Variants in USH2A observed in about 807,000 individuals in gnomAD.
USH2A encodes the protein Usher syndrome 2A (autosomal recessive, mild).
Under a neutral mutation model 538.9 loss-of-function variants are expected in USH2A, and 443 were observed. The observed-to-expected ratio is 0.82, with a 90% CI of 0.76 to 0.89. The LOEUF (loss-of-function observed/expected upper bound fraction) is 0.89. Among genes scored for constraint, USH2A ranks in the 40% least tolerant of loss-of-function variants. USH2A has a pLI of 0.00. For synonymous variants in USH2A, 2,413 were observed against 2,273.5 expected (o/e 1.06, Z -1.75); for missense variants, 6,633 against 6,324.8 (o/e 1.05, Z -1.65).
At chr1:215,665,141 A>G (rs1318954027) in intron 64 of USH2A, among the ~76,000 whole-genome samples, 2 of 152,182 alleles carry the variant, frequency 1.3e-5, no homozygotes. Context: ...GGCAGCTGCC[A>G]CTGGCAGCAA....
intron 43 of USH2A, 63 bp downstream of exon 43, chr1:215,877,695 G>C: frequency 6.2e-7 from 1 of 1,607,594 alleles, no homozygotes; most frequent in South Asian, 1.1e-5. Context: ...GAGATACTTT[G>C]AACTATTCAA....
Position 216,073,134 on chromosome 1 carries a change from C to A in USH2A, c.5739G>T (p.Glu1913Asp), listed in dbSNP as rs41277216. 2 of 1,613,894 alleles carry A rather than the reference C, an allele frequency of 1.2e-6. No individual in the cohort carries two copies. Among genetic ancestry groups the A allele is most frequent in the South Asian group, 2.2e-5 (2 of 91,056 alleles). ...NDSILVYQGK[E>D]QSVYEGGLQP... ...GGAGACCACCCTCGTAAACACTCTGCTCTTTTCCCTGGTAAACCAGGATGG... is the reference window on the plus strand; with the variant it reads ...GGAGACCACCCTCGTAAACACTCTGATCTTTTCCCTGGTAAACCAGGATGG... The change falls in exon 28 of 72, where the codon GAG (glutamate) becomes GAT (aspartate). Residue 1913 changes from glutamate to aspartate, a missense_variant. By Grantham distance (45) the Glu-to-Asp change is conservative. Coordinates refer to ENST00000307340, the MANE Select transcript of USH2A (RefSeq NM_206933.4).
chr1:215,640,846 A>G, intron 67 of USH2A, 112 bp from the exon 68 acceptor site: 2 of 105,594 alleles, frequency 1.9e-5, no homozygotes, highest in Non-Finnish European at 3.0e-5. Context: ...AATCCAAACA[A>G]AAAAAAAAAA....
intron 32 of USH2A, among the ~76,000 whole-genome samples, chr1:216,043,510 C>A (rs2030377700): frequency 6.6e-6 from 1 of 152,026 alleles, no homozygotes; most frequent in African/African-American, 2.4e-5. Flanking sequence ...AAGAATCAAT[C>A]TATTACCATG....
chr1:215,964,542 T>C (rs745695167), intron 37 of USH2A, among the ~76,000 whole-genome samples: 2 of 152,270 alleles, frequency 1.3e-5, no homozygotes, highest in East Asian at 3.9e-4. Context: ...CAGACTAACA[T>C]GCTAATAACA....
At position 216,099,592 on chromosome 1, in the gene USH2A, TG is replaced by T. The variant is rs2032528012; in HGVS notation, c.4628-2380del. ...GTAACTTAGCTACACAGAAAAGAGGTGAGTGCTGTGCTTTGGGAGAATAAGA... is the reference window on the plus strand; with the variant it reads ...GTAACTTAGCTACACAGAAAAGAGGTAGTGCTGTGCTTTGGGAGAATAAGA... On this transcript the variant is annotated intron_variant, in intron 21 of 71. Coordinates refer to ENST00000307340, the MANE Select transcript of USH2A (RefSeq NM_206933.4). 2.6e-5 allele frequency among the ~76,000 whole-genome samples: 4 copies of T among 151,892 alleles called. No homozygotes were observed. In the South Asian group the frequency reaches 8.3e-4, roughly 32 times the overall value.
intron 20 of USH2A, among the ~76,000 whole-genome samples, chr1:216,176,876 C>T (rs1414056456): frequency 1.3e-5 from 2 of 152,148 alleles, no homozygotes; most frequent in African/African-American, 2.4e-5. Context: ...CATTTGCTAG[C>T]TCATTTAATG....
In USH2A at chr1:216,292,912, TA is replaced by T. The variant is rs1310433323; in HGVS notation, c.1645-543del. On this transcript the variant is annotated intron_variant, in intron 9 of 71. Transcript: ENST00000307340. ...TTTAGTACTCTGTAATTTAAAACAT[TA>T]AAAACTTGGAGAAGTTGTTTTAGTC... Among the ~76,000 whole-genome samples the T allele has an allele frequency of 5.9e-5, 9 of 152,280 alleles. No homozygotes were observed. In the East Asian group the frequency reaches 1.7e-3, roughly 29 times the overall value.
At chr1:216,113,868 T>A (rs1287778385) in intron 21 of USH2A, among the ~76,000 whole-genome samples, 1 of 151,740 alleles carries the variant, frequency 6.6e-6, no homozygotes, top group Admixed American at 6.6e-5. Context: ...TATTTTTATA[T>A]TTAATTTTCT....
intron 64 of USH2A, among the ~76,000 whole-genome samples, chr1:215,654,380 C>T (rs144723826): frequency 5.3e-5 from 8 of 152,160 alleles, no homozygotes; most frequent in Admixed American, 1.3e-4. Flanking sequence ...CTGATGTTCC[C>T]CTCCCTGTGT....
intron 21 of USH2A, among the ~76,000 whole-genome samples, chr1:216,168,529 T>C (rs941780131): frequency 6.6e-6 from 1 of 152,130 alleles, no homozygotes; most frequent in African/African-American, 2.4e-5. Flanking sequence ...AAATTTAGTT[T>C]ACAATTTAGT....
rs2102480814 is a variant in USH2A, at chr1:216,207,322, TA to T, written c.3266del (p.Leu1089TyrfsTer23). The T allele has an allele frequency of 6.2e-7, 1 of 1,609,086 alleles. No homozygotes were observed. Among genetic ancestry groups the T allele is most frequent in the Admixed American group, 1.7e-5 (1 of 59,562 alleles). On this transcript the variant is annotated frameshift_variant, in exon 16 of 72. Coordinates refer to ENST00000307340, the MANE Select transcript of USH2A (RefSeq NM_206933.4). LOFTEE classifies it high-confidence loss of function. The part of the protein sequence containing the change: ...SPNAHWLTYS[L>X]LRDGFEIYTT... The stretch of plus-strand genomic sequence containing the variant: ...TGTAGATTTCAAAACCATCCCTGAG[TA>T]AACTGTAAGTAAGCCAGTGGGCATT...
At chr1:215,816,305 A>T (rs1216997062) in intron 48 of USH2A, among the ~76,000 whole-genome samples, 2 of 152,068 alleles carry the variant, frequency 1.3e-5, no homozygotes, top group South Asian at 4.1e-4. Flanking sequence ...CATTTCTTAG[A>T]TGATAACTCC....
At chr1:216,190,111 A>G in intron 20 of USH2A, 112 bp downstream of exon 20, 1 of 1,435,154 alleles carries the variant, frequency 7.0e-7, no homozygotes, top group Non-Finnish European at 9.5e-7. Flanking sequence ...AATCAGAGTT[A>G]GTGAGGGAGG....
At chr1:215,897,245 C>T (rs1665371317) in intron 40 of USH2A, among the ~76,000 whole-genome samples, 1 of 152,090 alleles carries the variant, frequency 6.6e-6, no homozygotes, top group African/African-American at 2.4e-5. Flanking sequence ...AAAAATATTG[C>T]CATTGGTGAC....
At chr1:216,352,302 G>C (rs1283066322) in intron 4 of USH2A, among the ~76,000 whole-genome samples, 2 of 152,118 alleles carry the variant, frequency 1.3e-5, no homozygotes, top group Non-Finnish European at 2.9e-5. Context: ...CTGAGACGCA[G>C]CAACTAGAAA....
chr1:215,638,275 T>C (rs572796886), intron 69 of USH2A, among the ~76,000 whole-genome samples: 1 of 152,342 alleles, frequency 6.6e-6, no homozygotes, highest in Non-Finnish European at 1.5e-5. Flanking sequence ...AAAAATTTAG[T>C]TTGAGCTCTC....
chr1:216,338,430 T>C (rs1269169943), intron 4 of USH2A, among the ~76,000 whole-genome samples: 1 of 151,380 alleles, frequency 6.6e-6, no homozygotes, highest in African/African-American at 2.4e-5. Context: ...TAAAATTAAA[T>C]CTCTACCTCA....
At chr1:216,400,418 T>C (rs1386983929) in intron 3 of USH2A, among the ~76,000 whole-genome samples, 1 of 150,644 alleles carries the variant, frequency 6.6e-6, no homozygotes, top group Admixed American at 6.6e-5. Context: ...AAAAAAAACT[T>C]GAAGAGAGCT....
Sources: allele counts gnomAD v4.1 joint callset (sites outside exome capture counted in the v4.1 genomes callset), GRCh38; gene constraint gnomAD v4.1.1; transcripts MANE v1.5; gene names NCBI Gene and HGNC (gene_info 2026-07-23, HGNC 2026-07-21).